Variants in GGH observed in about 807,000 individuals in gnomAD.
GGH encodes gamma-glutamyl hydrolase.
In GGH, 18 loss-of-function variants were observed where a neutral mutation model predicts 39.2. That is an observed-to-expected ratio of 0.46 (90% CI 0.32 to 0.68). The LOEUF (loss-of-function observed/expected upper bound fraction) is 0.68. Among genes scored for constraint, GGH ranks in the 30% least tolerant of loss-of-function variants. The probability of loss-of-function intolerance (pLI) is 0.04; values close to 1 mark genes in which losing one functional copy is unlikely to be tolerated. For synonymous variants in GGH, 147 were observed against 138.8 expected (o/e 1.06, Z -0.42); for missense variants, 367 against 384.1 (o/e 0.96, Z 0.37).
chr8:63,030,495 G>A (rs12682385), intron 2 of GGH, among the ~76,000 whole-genome samples: 15,330 of 152,006 alleles, frequency 0.1, 978 homozygotes, highest in East Asian at 0.34. Context: ...AGTAAAGACC[G>A]TGAGATTTGG....
intron 4 of GGH, chr8:63,026,961 G>A (rs771067945): frequency 7.5e-6 from 4 of 535,378 alleles, no homozygotes; most frequent in Non-Finnish European, 1.3e-5. Context: ...TCAAGAGAGG[G>A]GCAGTCAGCA....
chr8:63,024,479 C>G (rs139790053), intron 5 of GGH: 1 of 253,626 alleles, frequency 3.9e-6, no homozygotes, highest in African/African-American at 2.3e-5. Context: ...GGAATCTTAA[C>G]TAGATTTCCA....
Position 63,023,906 on chromosome 8 carries a change from C to A in GGH, c.697+1G>T. The A allele has an allele frequency of 6.4e-7, 1 of 1,559,716 alleles. No individual in the cohort carries two copies. The highest frequency in any genetic ancestry group is 8.7e-7 in the Non-Finnish European group (1 of 1,143,204). ...AAAGTATACATGTTATAGTGATATA[C>A]CTTCCATTGTTGAAATAAACTCAAT... On this transcript the variant is annotated splice_donor_variant, in intron 7 of 8. Coordinates refer to ENST00000260118, the MANE Select transcript of GGH (RefSeq NM_003878.3). LOFTEE classifies it high-confidence loss of function.
At position 63,030,887 on chromosome 8, in the gene GGH, G is replaced by GA. The variant is rs553725786; in HGVS notation, c.225-671dup. On this transcript the variant is annotated intron_variant, in intron 2 of 8. Transcript: ENST00000260118. ...TTGGTGACTTTATTCCCTTTCTCCA[G>GA]AAAAAAAAGATGGGCTTAATCTGTG... is the stretch of plus-strand genomic sequence containing the variant. Among the ~76,000 whole-genome samples, 151 of 151,676 alleles carry GA rather than the reference G, an allele frequency of 1.0e-3. No individual in the cohort carries two copies. In the South Asian group the frequency reaches 0.011, roughly 11 times the overall value.
chr8:63,026,321 CTA>C, intron 4 of GGH, 25 bp from the exon 5 acceptor site: 1 of 1,577,128 alleles, frequency 6.3e-7, no homozygotes, highest in South Asian at 1.2e-5. Flanking sequence ...AAAGAGAAAA[CTA>C]AGTTTATTCA....
Position 63,020,095 on chromosome 8 carries a change from T to C in GGH, c.698-2465A>G, listed in dbSNP as rs530083392. ...CATTTTTCCCACAAACTTTTTGAAG[T>C]CACTGACATTCAGTAACGAGTGAGA... On this transcript the variant is annotated intron_variant, in intron 7 of 8. Transcript: ENST00000260118. 3.9e-5 allele frequency among the ~76,000 whole-genome samples: 6 copies of C among 152,316 alleles called. No homozygotes were observed. In the South Asian group the frequency reaches 8.3e-4, roughly 21 times the overall value.
Position 63,026,162 on chromosome 8 carries a change from A to G in GGH, c.495T>C (p.Thr165=), listed in dbSNP as rs764948442. ...GGTTGAAAAGAGTACTCTTACCTCC[A>G]GTGAAGTTCAGCGGCATTGCCACGT... ...TVDVAMPLNF[T]GGQLHSRMFQ... The change falls in exon 5 of 9, where the codon ACT becomes ACC. Residue 165 remains threonine (T), a synonymous_variant. Transcript: ENST00000260118. 2 of 1,595,808 alleles carry G rather than the reference A, an allele frequency of 1.3e-6. No individual in the cohort carries two copies. The highest frequency in any genetic ancestry group is 1.7e-4 in the Middle Eastern group (1 of 6,030).
chr8:63,021,833 C>G (rs1804591943), intron 7 of GGH, among the ~76,000 whole-genome samples: 1 of 152,042 alleles, frequency 6.6e-6, no homozygotes, highest in South Asian at 2.1e-4. Flanking sequence ...GCCACCACGC[C>G]TGGCTAATTT....
chr8:63,025,300 T>G (rs1436722885), intron 5 of GGH: 1 of 152,166 alleles, frequency 6.6e-6, no homozygotes, highest in East Asian at 1.9e-4. Flanking sequence ...AGTTGAAACT[T>G]CGAGCCAGCC....
At chr8:63,017,019 A>G (rs141522072) in intron 8 of GGH, among the ~76,000 whole-genome samples, 49 of 152,300 alleles carry the variant, frequency 3.2e-4, no homozygotes, top group African/African-American at 1.0e-3. Flanking sequence ...GGAAGAATCT[A>G]AATTAAAAGT....
At chr8:63,034,671 T>C (rs1304831568) in intron 2 of GGH, among the ~76,000 whole-genome samples, 5 of 152,196 alleles carry the variant, frequency 3.3e-5, no homozygotes, top group Non-Finnish European at 5.9e-5. Flanking sequence ...TATAGGAACA[T>C]TTTATCACAA....
At chr8:63,022,242 T>C (rs962047665) in intron 7 of GGH, among the ~76,000 whole-genome samples, 6 of 152,164 alleles carry the variant, frequency 3.9e-5, no homozygotes, top group African/African-American at 1.2e-4. Flanking sequence ...TAAAACCTTA[T>C]TGTAGTGTGC....
At position 63,024,164 on chromosome 8, in the gene GGH, G is replaced by A. The variant is rs755199444; in HGVS notation, c.522C>T (p.Phe174=). 1.9e-6 allele frequency: 3 copies of A among 1,604,820 alleles called. No homozygotes were observed. Among genetic ancestry groups the A allele is most frequent in the Middle Eastern group, 1.7e-4 (1 of 6,044 alleles). Residue 174 remains phenylalanine (F), a synonymous_variant, in exon 6 of 9, where the codon TTC becomes TTT. Transcript: ENST00000260118. ...FTGGQLHSRM[F]QNFPTELLLS... ...GCAACAACTCAGTAGGAAAATTCTG[G>A]AACATTCTGCTGTGCAATTGACCTG...
Position 63,023,926 on chromosome 8 carries a change from C to T in GGH, c.678G>A (p.Glu226=). The T allele has an allele frequency of 6.3e-7, 1 of 1,579,736 alleles. No homozygotes were observed. The highest frequency in any genetic ancestry group is 8.6e-7 in the Non-Finnish European group (1 of 1,156,410). Residue 226 remains glutamate, a synonymous_variant, in exon 7 of 9, where the codon GAG becomes GAA. Transcript: ENST00000260118. ...ATATACCTTCCATTGTTGAAATAAA[C>T]TCAATCTTGCCATCTGTATTTGTAG... The part of the protein sequence containing the change: ...VLTTNTDGKI[E]FISTMEGYKY...
At chr8:63,026,903 C>T (rs1329241548) in intron 4 of GGH, 1 of 354,962 alleles carries the variant, frequency 2.8e-6, no homozygotes, top group Non-Finnish European at 5.0e-6. Flanking sequence ...CAGAGAGAGA[C>T]ATCAGAATGT....
At chr8:63,032,095 G>A (rs964129604) in intron 2 of GGH, among the ~76,000 whole-genome samples, 10 of 152,098 alleles carry the variant, frequency 6.6e-5, no homozygotes, top group African/African-American at 4.8e-5. Context: ...GTGCAGTAGC[G>A]CCATCTCAGC....
chr8:63,034,726 T>C (rs1804867463), intron 2 of GGH, among the ~76,000 whole-genome samples: 1 of 152,220 alleles, frequency 6.6e-6, no homozygotes. Context: ...TAATCCACAC[T>C]GAAGCAACCC....
chr8:63,038,588 C>CGGGGGGGGGGGGG, intron 1 of GGH, 72 bp downstream of exon 1: 1 of 754,244 alleles, frequency 1.3e-6, no homozygotes, highest in Admixed American at 3.7e-5. Context: ...AGCTGGAGCG[C>CGGGGGGGGGGGGG]GGCGGCGGGA....
At chr8:63,019,659 C>G (rs911539638) in intron 7 of GGH, among the ~76,000 whole-genome samples, 30 of 152,182 alleles carry the variant, frequency 2.0e-4, no homozygotes, top group Non-Finnish European at 2.5e-4. Context: ...AACCAAAGAA[C>G]AGTAACGTTT....
Sources: gnomAD v4.1 joint callset for allele counts (sites outside exome capture counted in the v4.1 genomes callset) on GRCh38, gnomAD v4.1.1 for gene constraint, MANE v1.5 for transcripts, NCBI Gene and HGNC (gene_info 2026-07-23, HGNC 2026-07-21) for gene names.